TBCA: variants seen among roughly 807,000 people sequenced by gnomAD.
TBCA encodes tubulin folding cofactor A, also known as tubulin-specific chaperone A.
In TBCA, 6 loss-of-function variants were observed where a neutral mutation model predicts 15.8. The observed-to-expected ratio is 0.38, with a 90% CI of 0.21 to 0.75. TBCA has a LOEUF of 0.75. Among genes scored for constraint, TBCA ranks in the 30% least tolerant of loss-of-function variants. The pLI is 0.46. For missense variants in TBCA, 90 were observed against 131.2 expected, an observed-to-expected ratio of 0.69 and a Z score of 1.53; for synonymous variants, 32 against 42.3, an observed-to-expected ratio of 0.76 and a Z score of 0.94.
chr5:77,725,440 ATTAT>A (rs1339426776), intron 1 of TBCA, among the ~76,000 whole-genome samples: 5 of 152,354 alleles, frequency 3.3e-5, no homozygotes, highest in East Asian at 3.9e-4. Flanking sequence ...ATAAATTTTG[ATTAT>A]TTATCAATTA....
intron 1 of TBCA, among the ~76,000 whole-genome samples, 176 bp downstream of exon 1, chr5:77,776,029 C>A (rs1039166875): frequency 5.9e-5 from 9 of 152,102 alleles, no homozygotes; most frequent in African/African-American, 2.2e-4. Flanking sequence ...CTGGCGGGCT[C>A]GGGCGTCAGC....
At position 77,691,500 on chromosome 5, in the gene TBCA, T is replaced by G. The variant is rs1745748550; in HGVS notation, c.247-2A>C. The G allele has an allele frequency of 1.3e-6, 2 of 1,578,928 alleles. No individual in the cohort carries two copies. Among genetic ancestry groups the G allele is most frequent in the Non-Finnish European group, 1.7e-6 (2 of 1,164,980 alleles). ...TTCTTCCAAGTCTTTTTCATTTTCC[T>G]AAAATGAAATACAATAAAAATTAAG... On this transcript the variant is annotated splice_acceptor_variant, in intron 3 of 3. Coordinates refer to ENST00000380377, the MANE Select transcript of TBCA (RefSeq NM_004607.3). LOFTEE classifies it high-confidence loss of function.
At chr5:77,771,334 A>C (rs1440248833) in intron 1 of TBCA, among the ~76,000 whole-genome samples, 1 of 152,222 alleles carries the variant, frequency 6.6e-6, no homozygotes, top group African/African-American at 2.4e-5. Flanking sequence ...AGGAGCCCTC[A>C]GAGTCAGAGG....
Position 77,693,799 on chromosome 5 carries a change from CAAAAAAAAAAA to C in TBCA, c.160-458_160-448del, listed in dbSNP as rs70991303. Among the ~76,000 whole-genome samples the C allele has an allele frequency of 1.2e-3, 94 of 77,970 alleles. No individual in the cohort carries two copies. In the East Asian group the frequency reaches 0.019, roughly 16 times the overall value. The allele number at this position is 77,970 out of a possible 152,430, so 51.2% of individuals were successfully genotyped here. A position where few individuals can be genotyped will look rare whatever the true frequency, so the allele number is the denominator to read the frequency against. On this transcript the variant is annotated intron_variant, in intron 2 of 3. Coordinates refer to ENST00000380377, the MANE Select transcript of TBCA (RefSeq NM_004607.3). ...GGGCAACAAGAGTGAAACTCCATCT[CAAAAAAAAAAA>C]AAAAAAAAAAAAAGTTAGAAAAGAA...
intron 2 of TBCA, among the ~76,000 whole-genome samples, chr5:77,700,740 C>T (rs1029688951): frequency 6.6e-5 from 10 of 152,110 alleles, no homozygotes; most frequent in African/African-American, 2.4e-4. Flanking sequence ...AACTTATGTT[C>T]AAGAGTAGAG....
intron 1 of TBCA, among the ~76,000 whole-genome samples, chr5:77,735,958 T>G (rs1746891932): frequency 6.6e-6 from 1 of 152,172 alleles, no homozygotes; most frequent in Admixed American, 6.5e-5. Flanking sequence ...TCACCTTAAG[T>G]AAACAATGAC....
At chr5:77,722,170 A>T (rs1561270643) in intron 1 of TBCA, among the ~76,000 whole-genome samples, 2 of 152,048 alleles carry the variant, frequency 1.3e-5, no homozygotes, top group African/African-American at 4.8e-5. Flanking sequence ...TTATACATAA[A>T]CATACATCTG....
intron 1 of TBCA, among the ~76,000 whole-genome samples, chr5:77,718,506 T>A (rs982538757): frequency 2.0e-5 from 3 of 152,136 alleles, no homozygotes; most frequent in Admixed American, 6.5e-5. Flanking sequence ...AGTTCCTTAG[T>A]ACGGAAGAAC....
intron 1 of TBCA, among the ~76,000 whole-genome samples, chr5:77,726,652 G>T (rs1580111490): frequency 6.6e-6 from 1 of 152,146 alleles, no homozygotes; most frequent in East Asian, 1.9e-4. Flanking sequence ...TGTAGGGAAA[G>T]AATTCTTCTT....
At chr5:77,696,935 C>T (rs77650226) in intron 2 of TBCA, among the ~76,000 whole-genome samples, 68 of 152,228 alleles carry the variant, frequency 4.5e-4, no homozygotes, top group African/African-American at 1.6e-3. Flanking sequence ...GCCAATAAAT[C>T]AGGAGTGGCT....
chr5:77,696,977 C>T (rs1478704651), intron 2 of TBCA, among the ~76,000 whole-genome samples: 1 of 152,008 alleles, frequency 6.6e-6, no homozygotes, highest in Non-Finnish European at 1.5e-5. Context: ...AACTTCAAAG[C>T]AAAATAATTA....
At chr5:77,756,806 C>CACAAT (rs1747486970) in intron 1 of TBCA, among the ~76,000 whole-genome samples, 1 of 151,946 alleles carries the variant, frequency 6.6e-6, no homozygotes. Context: ...GAAAGCAGAG[C>CACAAT]GTTAGACCTA....
chr5:77,751,378 T>C (rs563888185), intron 1 of TBCA, among the ~76,000 whole-genome samples: 1 of 152,010 alleles, frequency 6.6e-6, no homozygotes, highest in Admixed American at 6.5e-5. Context: ...TTAGTTTCAC[T>C]ATGTTGGCCA....
At chr5:77,734,956 T>C (rs1180796589) in intron 1 of TBCA, among the ~76,000 whole-genome samples, 2 of 152,226 alleles carry the variant, frequency 1.3e-5, no homozygotes, top group Admixed American at 6.5e-5. Context: ...AGATGATTGT[T>C]AGGTATTTTT....
chr5:77,727,827 C>A (rs1262430422), intron 1 of TBCA, among the ~76,000 whole-genome samples: 1 of 152,000 alleles, frequency 6.6e-6, no homozygotes, highest in African/African-American at 2.4e-5. Context: ...CCTAATAAGA[C>A]AAAGTCCAAA....
chr5:77,766,057 G>A (rs1274494513), intron 1 of TBCA, among the ~76,000 whole-genome samples: 1 of 151,926 alleles, frequency 6.6e-6, no homozygotes, highest in African/African-American at 2.4e-5. Flanking sequence ...TTGCTCTTTT[G>A]TTTCCCTGAA....
At position 77,691,376 on chromosome 5, in the gene TBCA, C is replaced by T. The variant is rs367831040; in HGVS notation, c.*42G>A. ...CAAAAATAATGGATTGTAAAATGGA[C>T]CCCAGGATTTAATGCAAAAACCACC... On this transcript the variant is annotated 3_prime_UTR_variant, in exon 4 of 4. Transcript: ENST00000380377. The T allele has an allele frequency of 3.3e-6, 5 of 1,520,054 alleles. No individual in the cohort carries two copies. The highest frequency in any genetic ancestry group is 3.6e-6 in the Non-Finnish European group (4 of 1,111,712). 94.2% of individuals were successfully genotyped at this position (1,520,054 alleles called of 1,614,324 possible). A position where few individuals can be genotyped will look rare whatever the true frequency, so the allele number is the denominator to read the frequency against.
intron 1 of TBCA, among the ~76,000 whole-genome samples, chr5:77,730,762 T>C (rs990640593): frequency 6.6e-6 from 1 of 152,112 alleles, no homozygotes; most frequent in Non-Finnish European, 1.5e-5. Context: ...AATGCTATGA[T>C]ATGCCAAGCA....
intron 1 of TBCA, among the ~76,000 whole-genome samples, chr5:77,730,799 T>C (rs1173974130): frequency 1.3e-5 from 2 of 152,148 alleles, no homozygotes; most frequent in African/African-American, 4.8e-5. Flanking sequence ...ATAACAACTA[T>C]CCTCTCCCTC....
Sources: allele counts gnomAD v4.1 joint callset (sites outside exome capture counted in the v4.1 genomes callset), GRCh38; gene constraint gnomAD v4.1.1; transcripts MANE v1.5; gene names NCBI Gene and HGNC (gene_info 2026-07-23, HGNC 2026-07-21).